ZNF740: variants seen among roughly 807,000 people sequenced by gnomAD.
ZNF740 encodes the protein zinc finger protein 740, also known as oriLyt TD-element-binding protein 7.
In ZNF740, 14 loss-of-function variants were observed where a neutral mutation model predicts 24.8. The observed-to-expected ratio is 0.56, with a 90% confidence interval of 0.37 to 0.88. The LOEUF (loss-of-function observed/expected upper bound fraction) is 0.88, where lower values mean the gene tolerates loss of function less well. Among genes scored for constraint, ZNF740 ranks in the 40% least tolerant of loss-of-function variants. The pLI is 0.00. For missense variants in ZNF740, 201 were observed against 247.9 expected (o/e 0.81, Z 1.27); for synonymous variants, 69 against 84.0 (o/e 0.82, Z 0.98).
chr12:53,192,873 A>G lies in ZNF740; in HGVS notation c.*5283A>G, dbSNP rs1942012342. 5 of 1,614,104 alleles carry G rather than the reference A, an allele frequency of 3.1e-6. No homozygotes were observed. Among genetic ancestry groups the G allele is most frequent in the Non-Finnish European group, 4.2e-6 (5 of 1,180,060 alleles). On this transcript the variant is annotated 3_prime_UTR_variant, in exon 7 of 7. Transcript: ENST00000416904. ...CGCATGCTCTGCCCGTGCGGTTGGC[A>G]TGACAGTGACATACTCCACATTGGC... is the stretch of plus-strand genomic sequence containing the variant.
chr12:53,180,736 G>A lies in ZNF740; in HGVS notation c.-409G>A. The A allele has an allele frequency of 7.9e-7, 1 of 1,265,294 alleles. No individual in the cohort carries two copies. Among genetic ancestry groups the A allele is most frequent in the Non-Finnish European group, 1.0e-6 (1 of 977,096 alleles). The allele number at this position is 1,265,294 out of a possible 1,614,324, so 78.4% of individuals were successfully genotyped here. A position where few individuals can be genotyped will look rare whatever the true frequency, so the allele number is the denominator to read the frequency against. ...GGTTGGTGTTTGTAAACTTGCCTCG[G>A]TCCCGGTGGGGGCAGCCGCGGCGGT... On this transcript the variant is annotated 5_prime_UTR_variant, in exon 1 of 7. Coordinates refer to ENST00000416904, the MANE Select transcript of ZNF740 (RefSeq NM_001004304.4).
intron 2 of ZNF740, 75 bp downstream of exon 2, chr12:53,182,067 G>A (rs1221037929): frequency 6.4e-7 from 1 of 1,564,290 alleles, no homozygotes; most frequent in African/African-American, 1.4e-5. Flanking sequence ...TGCTGCCTTA[G>A]TCAACATATT....
chr12:53,184,741 G>T, intron 2 of ZNF740, 150 bp from the exon 3 acceptor site: 1 of 876,230 alleles, frequency 1.1e-6, no homozygotes. Flanking sequence ...GAGGACTCTT[G>T]AAGGAAGCAA....
chr12:53,194,201 C>G lies in ZNF740; in HGVS notation c.*6611C>G, dbSNP rs1384782218. ...GCCTGTGCTTGCTGGCTCTCACCGT[C>G]TGGTTGATTCGGACGTGGTTGCACT... is the stretch of plus-strand genomic sequence containing the variant. On this transcript the variant is annotated 3_prime_UTR_variant, in exon 7 of 7. Transcript: ENST00000416904. 3 of 1,614,008 alleles carry G rather than the reference C, an allele frequency of 1.9e-6. No individual in the cohort carries two copies. In the Admixed American group the frequency reaches 5.0e-5, roughly 27 times the overall value.
chr12:53,192,623 G>T lies in ZNF740; in HGVS notation c.*5033G>T. On this transcript the variant is annotated 3_prime_UTR_variant, in exon 7 of 7. Coordinates refer to ENST00000416904, the MANE Select transcript of ZNF740 (RefSeq NM_001004304.4). ...CAACTACAAGCAGGACGGAGAGTAG[G>T]CAGATGGGAGTAGCTCAACAAGCCC... 6.3e-7 allele frequency: 1 copy of T among 1,595,312 alleles called. No homozygotes were observed. The highest frequency in any genetic ancestry group is 8.6e-7 in the Non-Finnish European group (1 of 1,165,716).
At chr12:53,186,535 C>T in intron 6 of ZNF740, 26 bp downstream of exon 6, 5 of 1,518,110 alleles carry the variant, frequency 3.3e-6, no homozygotes, top group Non-Finnish European at 4.5e-6. Flanking sequence ...GCTACAATAC[C>T]CCACACACAC....
chr12:53,182,120 G>T, intron 2 of ZNF740, 128 bp downstream of exon 2: 1 of 1,332,098 alleles, frequency 7.5e-7, no homozygotes, highest in South Asian at 1.4e-5. Context: ...GCACCAGGGG[G>T]AGATCTAGAG....
intron 2 of ZNF740, among the ~76,000 whole-genome samples, chr12:53,184,150 TGCGCGCGC>T (rs377127380): frequency 1.5e-3 from 157 of 104,416 alleles, no homozygotes; most frequent in African/African-American, 5.4e-3. Context: ...TGTGTGTGTG[TGCGCGCGC>T]GCGCTCTGAA....
At position 53,191,040 on chromosome 12, in the gene ZNF740, A is replaced by G; in HGVS notation, c.*3450A>G. Reference sequence around the variant, plus strand: ...AGGGCATCAGTTCTGAGCAAGACGAAAAAGCACACGCAGCAGGACGGAAGG... The same window carrying G: ...AGGGCATCAGTTCTGAGCAAGACGAGAAAGCACACGCAGCAGGACGGAAGG... On this transcript the variant is annotated 3_prime_UTR_variant, in exon 7 of 7. Transcript: ENST00000416904. 5.6e-6 allele frequency: 1 copy of G among 177,766 alleles called. No individual in the cohort carries two copies. Among genetic ancestry groups the G allele is most frequent in the Non-Finnish European group, 1.2e-5 (1 of 81,676 alleles). The allele number at this position is 177,766 out of a possible 1,614,324, so 11.0% of individuals were successfully genotyped here.
Position 53,191,354 on chromosome 12 carries a change from G to A in ZNF740, c.*3764G>A. On this transcript the variant is annotated 3_prime_UTR_variant, in exon 7 of 7. Coordinates refer to ENST00000416904, the MANE Select transcript of ZNF740 (RefSeq NM_001004304.4). ...GTAAGACTTTATTGTATACTTGGGT[G>A]GGGTAGCCCAGATGGATGCAAGGTT... 1 of 592,714 alleles carries A rather than the reference G, an allele frequency of 1.7e-6. No individual in the cohort carries two copies. Among genetic ancestry groups the A allele is most frequent in the Admixed American group, 2.8e-5 (1 of 35,256 alleles). The allele number at this position is 592,714 out of a possible 1,614,324, so 36.7% of individuals were successfully genotyped here. A position where few individuals can be genotyped will look rare whatever the true frequency, so the allele number is the denominator to read the frequency against.
Position 53,193,707 on chromosome 12 carries a change from C to T in ZNF740, c.*6117C>T. ...GGTTGAAGGGAAGAGGAGGCCCTCA[C>T]CTGCATACACCACATTGTAGGTGTC... is the stretch of plus-strand genomic sequence containing the variant. On this transcript the variant is annotated 3_prime_UTR_variant, in exon 7 of 7. Transcript: ENST00000416904. 6.2e-7 allele frequency: 1 copy of T among 1,608,800 alleles called. No individual in the cohort carries two copies. The highest frequency in any genetic ancestry group is 1.1e-5 in the South Asian group (1 of 90,372).
intron 2 of ZNF740, among the ~76,000 whole-genome samples, chr12:53,182,359 G>A (rs1454435759): frequency 6.6e-6 from 1 of 152,190 alleles, no homozygotes; most frequent in African/African-American, 2.4e-5. Context: ...TGCATGCAAG[G>A]CATTGTGCTG....
intron 6 of ZNF740, 50 bp downstream of exon 6, chr12:53,186,559 A>G (rs988317655): frequency 1.4e-6 from 2 of 1,448,228 alleles, no homozygotes; most frequent in Non-Finnish European, 9.5e-7. Flanking sequence ...TCCTTCCCCA[A>G]GAATCAGGGC....
intron 4 of ZNF740, 109 bp downstream of exon 4, chr12:53,185,585 C>A: frequency 9.8e-7 from 1 of 1,018,064 alleles, no homozygotes; most frequent in Non-Finnish European, 1.5e-6. Flanking sequence ...GCTTTGATCT[C>A]TGATAGCCAG....
intron 6 of ZNF740, 25 bp downstream of exon 6, chr12:53,186,534 C>A (rs1025019532): frequency 1.3e-6 from 2 of 1,519,442 alleles, no homozygotes; most frequent in Admixed American, 3.9e-5. Flanking sequence ...TGCTACAATA[C>A]CCCACACACA....
rs769099996 is a variant in ZNF740, at chr12:53,194,171, C to T, written c.*6581C>T. The stretch of plus-strand genomic sequence containing the variant: ...CCCACTCCCACCTCCCCCTGCCCGC[C>T]TTCTGCCTGTGCTTGCTGGCTCTCA... On this transcript the variant is annotated 3_prime_UTR_variant, in exon 7 of 7. Transcript: ENST00000416904. 2.5e-6 allele frequency: 4 copies of T among 1,613,580 alleles called. No homozygotes were observed. The highest frequency in any genetic ancestry group is 3.4e-6 in the Non-Finnish European group (4 of 1,179,712).
rs991207856 is a variant in ZNF740, at chr12:53,194,162, C to A, written c.*6572C>A. ...GCTTAATTTCCCACTCCCACCTCCC[C>A]CTGCCCGCCTTCTGCCTGTGCTTGC... On this transcript the variant is annotated 3_prime_UTR_variant, in exon 7 of 7. Coordinates refer to ENST00000416904, the MANE Select transcript of ZNF740 (RefSeq NM_001004304.4). 6.2e-6 allele frequency: 10 copies of A among 1,612,598 alleles called. No homozygotes were observed. The African/African-American group carries it at 8.0e-5, about 13-fold the overall frequency.
Position 53,195,015 on chromosome 12 carries a change from T to C in ZNF740, c.*7425T>C, listed in dbSNP as rs1942109218. On this transcript the variant is annotated 3_prime_UTR_variant, in exon 7 of 7. Transcript: ENST00000416904. ...ACTTAGCCTCCTTGTGTGGGTTTCCTCATCTGTAAAATAGGGATGGTAACA... is the reference window on the plus strand; with the variant it reads ...ACTTAGCCTCCTTGTGTGGGTTTCCCCATCTGTAAAATAGGGATGGTAACA... 8.5e-6 allele frequency: 2 copies of C among 236,110 alleles called. No individual in the cohort carries two copies. Among genetic ancestry groups the C allele is most frequent in the South Asian group, 1.5e-4 (2 of 13,206 alleles). The allele number at this position is 236,110 out of a possible 1,614,324, so 14.6% of individuals were successfully genotyped here.
At chr12:53,186,174 G>A in intron 5 of ZNF740, 97 bp downstream of exon 5, 1 of 1,449,256 alleles carries the variant, frequency 6.9e-7, no homozygotes. Flanking sequence ...TAATGGGTAA[G>A]TATTAGAAAT....
Sources: gnomAD v4.1 joint callset for allele counts (sites outside exome capture counted in the v4.1 genomes callset) on GRCh38, gnomAD v4.1.1 for gene constraint, MANE v1.5 for transcripts, NCBI Gene and HGNC (gene_info 2026-07-23, HGNC 2026-07-21) for gene names.